The following B4GALNT3 variants were observed in gnomAD, a reference collection of about 807,000 sequenced individuals.
B4GALNT3 encodes the protein beta-1,4-N-acetyl-galactosaminyltransferase 3, also known as beta-1,4-N-acetylgalactosaminyltransferase 3.
A neutral mutation model predicts 120.2 loss-of-function variants in B4GALNT3; 86 were observed. The ratio of observed to expected loss-of-function variants is 0.72; its 90% CI spans 0.60 to 0.86. B4GALNT3 has a LOEUF of 0.86. B4GALNT3 is among the 40% of genes least tolerant of loss of function. B4GALNT3 has a pLI of 0.00. For synonymous variants in B4GALNT3, 518 were observed against 510.4 expected (o/e 1.01, Z -0.20); for missense variants, 1,167 against 1,298.9 (o/e 0.90, Z 1.56).
At chr12:474,553 C>T (rs1946165872) in intron 1 of B4GALNT3, among the ~76,000 whole-genome samples, 1 of 152,296 alleles carries the variant, frequency 6.6e-6, no homozygotes, top group Non-Finnish European at 1.5e-5. Flanking sequence ...GGCACGGTGG[C>T]TCATGCCTGC....
intron 12 of B4GALNT3, 127 bp downstream of exon 12, chr12:552,290 ACTAC>A: frequency 2.7e-6 from 2 of 729,550 alleles, no homozygotes; most frequent in Non-Finnish European, 4.5e-6. Flanking sequence ...CTTCCTGAGT[ACTAC>A]ACACACACAC....
At chr12:512,165 ACC>A (rs1946582453) in intron 1 of B4GALNT3, among the ~76,000 whole-genome samples, 1 of 50,116 alleles carries the variant, frequency 2.0e-5, no homozygotes, top group Non-Finnish European at 3.2e-5. Context: ...TCCGCCTTCC[ACC>A]TTCCGCCTTC....
intron 1 of B4GALNT3, among the ~76,000 whole-genome samples, chr12:482,196 C>G (rs1946248848): frequency 6.6e-6 from 1 of 152,192 alleles, no homozygotes; most frequent in Non-Finnish European, 1.5e-5. Flanking sequence ...TTCTGCTGCT[C>G]CAAGCACTGA....
chr12:553,238 G>A lies in B4GALNT3; in HGVS notation c.1315G>A (p.Ala439Thr). ...LLEESQYGEV[A>T]EETPASNNQN... Reference sequence around the variant, plus strand: ...AGAAGAGTCCCAGTATGGGGAAGTGGCAGAGGAGACCCCTGCCTCCAACAA... The same window carrying A: ...AGAAGAGTCCCAGTATGGGGAAGTGACAGAGGAGACCCCTGCCTCCAACAA... Residue 439 changes from alanine (A) to threonine (T), a missense_variant, in exon 14 of 20, where the codon GCA becomes ACA. Ala to Thr is a moderately conservative substitution (Grantham distance 58). Transcript: ENST00000266383. The A allele has an allele frequency of 1.2e-6, 2 of 1,613,458 alleles. No individual in the cohort carries two copies. Among genetic ancestry groups the A allele is most frequent in the South Asian group, 1.1e-5 (1 of 91,090 alleles).
intron 1 of B4GALNT3, among the ~76,000 whole-genome samples, chr12:496,835 G>A (rs1178488193): frequency 1.3e-5 from 2 of 152,124 alleles, no homozygotes; most frequent in African/African-American, 2.4e-5. Context: ...TTAGCATGAC[G>A]TTTTCAAAAT....
intron 13 of B4GALNT3, 48 bp downstream of exon 13, chr12:552,576 CA>C: frequency 6.3e-7 from 1 of 1,575,970 alleles, no homozygotes; most frequent in Non-Finnish European, 8.7e-7. Flanking sequence ...GAGGGGCGAC[CA>C]TGGTCTGTTT....
intron 1 of B4GALNT3, among the ~76,000 whole-genome samples, chr12:481,485 G>A (rs1946242148): frequency 6.6e-6 from 1 of 152,236 alleles, no homozygotes; most frequent in Admixed American, 6.5e-5. Flanking sequence ...GGTTTCTCCA[G>A]TGCCCAGCTG....
At chr12:470,162 G>A (rs1946121996) in intron 1 of B4GALNT3, among the ~76,000 whole-genome samples, 1 of 152,188 alleles carries the variant, frequency 6.6e-6, no homozygotes, top group African/African-American at 2.4e-5. Context: ...CAGTCGGAAG[G>A]GAATATCTTT....
intron 1 of B4GALNT3, among the ~76,000 whole-genome samples, chr12:495,969 T>C (rs1363613269): frequency 6.6e-6 from 1 of 152,206 alleles, no homozygotes; most frequent in Non-Finnish European, 1.5e-5. Flanking sequence ...TGCACATCTA[T>C]AAATATAAAA....
intron 1 of B4GALNT3, among the ~76,000 whole-genome samples, chr12:464,625 C>G (rs548248626): frequency 1.7e-5 from 2 of 118,028 alleles, no homozygotes; most frequent in African/African-American, 5.4e-5. Flanking sequence ...GAGCGAGACT[C>G]TACTTAAAAA....
Position 553,479 on chromosome 12 carries a change from G to C in B4GALNT3, c.1556G>C (p.Ser519Thr). 1 of 1,614,144 alleles carries C rather than the reference G, an allele frequency of 6.2e-7. No individual in the cohort carries two copies. Among genetic ancestry groups the C allele is most frequent in the Non-Finnish European group, 8.5e-7 (1 of 1,180,044 alleles). The change falls in exon 14 of 20, where the codon AGC becomes ACC. Residue 519 changes from serine to threonine, a missense_variant. Coordinates refer to ENST00000266383, the MANE Select transcript of B4GALNT3 (RefSeq NM_173593.4). ...QQPEKRKQKP[S>T]PEPSQDSPHS... is the part of the protein sequence containing the mutation. Reference sequence around the variant, plus strand: ...CCAGAGAAGAGGAAGCAAAAACCCAGCCCTGAGCCCAGCCAAGATTCACCT... The same window carrying C: ...CCAGAGAAGAGGAAGCAAAAACCCACCCCTGAGCCCAGCCAAGATTCACCT...
At chr12:522,216 T>A (rs1946717530) in intron 1 of B4GALNT3, among the ~76,000 whole-genome samples, 1 of 152,188 alleles carries the variant, frequency 6.6e-6, no homozygotes, top group African/African-American at 2.4e-5. Flanking sequence ...TTGCACACTC[T>A]TGTTCACAGC....
chr12:488,091 C>A (rs964500938), intron 1 of B4GALNT3, among the ~76,000 whole-genome samples: 2 of 151,520 alleles, frequency 1.3e-5, no homozygotes, highest in Non-Finnish European at 2.9e-5. Flanking sequence ...GTAATCCTAG[C>A]ACTTTGAGAT....
intron 1 of B4GALNT3, among the ~76,000 whole-genome samples, chr12:516,727 C>T (rs770373559): frequency 2.0e-5 from 3 of 152,120 alleles, no homozygotes; most frequent in Non-Finnish European, 4.4e-5. Flanking sequence ...CTGGAAGGTT[C>T]CAAGCAAGGA....
chr12:534,138 G>A (rs188267784), intron 1 of B4GALNT3, among the ~76,000 whole-genome samples: 35 of 152,312 alleles, frequency 2.3e-4, no homozygotes, highest in African/African-American at 8.4e-4. Flanking sequence ...GGAAATCCGT[G>A]GCACACTGGG....
At chr12:528,947 T>C (rs147091782) in intron 1 of B4GALNT3, among the ~76,000 whole-genome samples, 22 of 152,324 alleles carry the variant, frequency 1.4e-4, no homozygotes, top group African/African-American at 4.6e-4. Context: ...CCAGTTTGAG[T>C]GTCTGGTGAC....
At chr12:522,046 C>G (rs1373709639) in intron 1 of B4GALNT3, among the ~76,000 whole-genome samples, 1 of 152,090 alleles carries the variant, frequency 6.6e-6, no homozygotes, top group East Asian at 1.9e-4. Flanking sequence ...TCTTTCCACC[C>G]AAGGCTTCCC....
intron 1 of B4GALNT3, among the ~76,000 whole-genome samples, chr12:502,745 A>C (rs1291539266): frequency 6.6e-6 from 1 of 151,924 alleles, no homozygotes. Context: ...TTGTTTAAAC[A>C]AGTTCTTTTA....
intron 3 of B4GALNT3, among the ~76,000 whole-genome samples, chr12:541,830 T>TCCTCC (rs1946919067): frequency 5.0e-5 from 2 of 40,246 alleles, no homozygotes; most frequent in African/African-American, 1.9e-4. Flanking sequence ...CCCTGCCCAG[T>TCCTCC]CCCCCCCCTC....
Sources: allele counts gnomAD v4.1 joint callset (sites outside exome capture counted in the v4.1 genomes callset), GRCh38; gene constraint gnomAD v4.1.1; transcripts MANE v1.5; gene names NCBI Gene and HGNC (gene_info 2026-07-23, HGNC 2026-07-21).